The following TBC1D5 variants were observed in gnomAD, a reference collection of about 807,000 sequenced individuals.
The protein encoded by TBC1D5 is TBC1 domain family, member 5.
TBC1D5 carries 75 observed loss-of-function variants against 100.3 expected under a neutral mutation model. That is an observed-to-expected ratio of 0.75 (90% CI 0.62 to 0.91). TBC1D5 has a LOEUF of 0.91. Among genes scored for constraint, TBC1D5 ranks in the 40% least tolerant of loss-of-function variants. The pLI is 0.00. For missense variants in TBC1D5, 910 were observed against 942.4 expected, an observed-to-expected ratio of 0.97 and a Z score of 0.45; for synonymous variants, 323 against 325.6, an observed-to-expected ratio of 0.99 and a Z score of 0.09.
intron 3 of TBC1D5, among the ~76,000 whole-genome samples, chr3:17,466,851 G>A (rs1482180254): frequency 1.3e-5 from 2 of 151,216 alleles, no homozygotes; most frequent in Non-Finnish European, 2.9e-5. Context: ...GGAATATTAA[G>A]TTACTAAAAA....
At chr3:17,196,765 T>C (rs182204570) in intron 18 of TBC1D5, among the ~76,000 whole-genome samples, 1 of 152,346 alleles carries the variant, frequency 6.6e-6, no homozygotes, top group Non-Finnish European at 1.5e-5. Context: ...GAGTGTAACC[T>C]TTCTATATTC....
At chr3:17,421,254 T>A (rs965908085) in intron 4 of TBC1D5, among the ~76,000 whole-genome samples, 3 of 149,336 alleles carry the variant, frequency 2.0e-5, no homozygotes, top group African/African-American at 4.9e-5. Flanking sequence ...ACTATGGAGA[T>A]AAGAACAAAA....
At chr3:17,519,833 C>A (rs1391480944) in intron 2 of TBC1D5, among the ~76,000 whole-genome samples, 1 of 152,016 alleles carries the variant, frequency 6.6e-6, no homozygotes, top group African/African-American at 2.4e-5. Context: ...CTGAGTTTTC[C>A]ATCTTATTAT....
At chr3:17,416,545 G>GC (rs2094077807) in intron 4 of TBC1D5, among the ~76,000 whole-genome samples, 1 of 152,132 alleles carries the variant, frequency 6.6e-6, no homozygotes, top group African/African-American at 2.4e-5. Flanking sequence ...ACTGGGGAAA[G>GC]CAAACAAACA....
intron 13 of TBC1D5, among the ~76,000 whole-genome samples, chr3:17,371,530 C>A (rs1195293175): frequency 1.3e-5 from 2 of 152,150 alleles, no homozygotes; most frequent in Non-Finnish European, 2.9e-5. Flanking sequence ...GCCTTAACTT[C>A]TTCATCTCTA....
Position 17,307,987 on chromosome 3 carries a change from C to T in TBC1D5, c.1138+5G>A. Reference sequence around the variant, plus strand: ...TCAAATGTAGGAAAGGTCATTAATACTTACAAGCATCTCGGATGTAAAGTA... The same window carrying T: ...TCAAATGTAGGAAAGGTCATTAATATTTACAAGCATCTCGGATGTAAAGTA... On this transcript the variant is annotated splice_donor_5th_base_variant and intron_variant, in intron 14 of 21. Transcript: ENST00000253692. 6.2e-7 allele frequency: 1 copy of T among 1,600,244 alleles called. No homozygotes were observed. The highest frequency in any genetic ancestry group is 8.5e-7 in the Non-Finnish European group (1 of 1,176,050).
intron 1 of TBC1D5, among the ~76,000 whole-genome samples, chr3:17,660,404 C>G (rs2066523885): frequency 6.6e-6 from 1 of 152,166 alleles, no homozygotes; most frequent in South Asian, 2.1e-4. Context: ...GAGCTAGATC[C>G]TGAACCAAAT....
At chr3:17,640,792 C>A (rs2064424586) in intron 1 of TBC1D5, among the ~76,000 whole-genome samples, 1 of 151,906 alleles carries the variant, frequency 6.6e-6, no homozygotes, top group South Asian at 2.1e-4. Context: ...AAAATATTTT[C>A]ATAAAGAACA....
intron 3 of TBC1D5, among the ~76,000 whole-genome samples, chr3:17,505,205 A>G (rs1206541295): frequency 6.6e-6 from 1 of 152,180 alleles, no homozygotes; most frequent in African/African-American, 2.4e-5. Context: ...TACAAAATTT[A>G]AGGAGGTGAA....
At chr3:17,566,365 G>A (rs2096593739) in intron 2 of TBC1D5, among the ~76,000 whole-genome samples, 1 of 151,682 alleles carries the variant, frequency 6.6e-6, no homozygotes, top group South Asian at 2.1e-4. Flanking sequence ...AACAAGACAA[G>A]ACAAAACACA....
intron 2 of TBC1D5, among the ~76,000 whole-genome samples, chr3:17,613,225 T>A (rs949243310): frequency 2.6e-5 from 4 of 152,344 alleles, no homozygotes; most frequent in Admixed American, 2.0e-4. Context: ...TCATCATTGT[T>A]TATGGCTGCA....
chr3:17,202,451 T>C (rs569267132), intron 18 of TBC1D5, among the ~76,000 whole-genome samples: 4 of 152,236 alleles, frequency 2.6e-5, no homozygotes, highest in Non-Finnish European at 5.9e-5. Flanking sequence ...AAAATCCATG[T>C]TCCTGGGAGG....
At chr3:17,664,025 T>C (rs554891401) in intron 1 of TBC1D5, among the ~76,000 whole-genome samples, 5 of 152,176 alleles carry the variant, frequency 3.3e-5, no homozygotes, top group Non-Finnish European at 5.9e-5. Context: ...AAAAATGCAT[T>C]TTTACACTGA....
chr3:17,261,389 T>C (rs1204535237), intron 15 of TBC1D5, among the ~76,000 whole-genome samples: 1 of 141,192 alleles, frequency 7.1e-6, no homozygotes, highest in Non-Finnish European at 1.5e-5. Context: ...ATGGTTTTCC[T>C]AGGGGGACAA....
At chr3:17,453,944 C>T (rs1204609173) in intron 3 of TBC1D5, among the ~76,000 whole-genome samples, 1 of 152,086 alleles carries the variant, frequency 6.6e-6, no homozygotes, top group African/African-American at 2.4e-5. Context: ...CTCAGAGATG[C>T]AAGTATAAAT....
intron 3 of TBC1D5, among the ~76,000 whole-genome samples, chr3:17,478,408 CAT>C (rs2095463726): frequency 1.3e-5 from 2 of 152,154 alleles, no homozygotes; most frequent in African/African-American, 4.8e-5. Flanking sequence ...GTAGTGGCAA[CAT>C]AGTAATACTG....
intron 15 of TBC1D5, among the ~76,000 whole-genome samples, chr3:17,283,654 C>A (rs1400504057): frequency 6.6e-6 from 1 of 151,980 alleles, no homozygotes; most frequent in Non-Finnish European, 1.5e-5. Context: ...CGGCTAAGAG[C>A]AAAAGTAGTT....
chr3:17,553,012 C>A (rs889511321), intron 2 of TBC1D5, among the ~76,000 whole-genome samples: 1 of 152,088 alleles, frequency 6.6e-6, no homozygotes, highest in African/African-American at 2.4e-5. Context: ...AGAAAATATA[C>A]TGTTATTATA....
At chr3:17,629,371 T>C (rs1024989024) in intron 1 of TBC1D5, among the ~76,000 whole-genome samples, 4 of 152,208 alleles carry the variant, frequency 2.6e-5, no homozygotes, top group Non-Finnish European at 5.9e-5. Flanking sequence ...AATACTTTAT[T>C]AAAAGGCAGC....
Sources: allele counts gnomAD v4.1 joint callset (sites outside exome capture counted in the v4.1 genomes callset), GRCh38; gene constraint gnomAD v4.1.1; transcripts MANE v1.5; gene names NCBI Gene and HGNC (gene_info 2026-07-23, HGNC 2026-07-21).